Variants in DDR2 observed in about 807,000 individuals in gnomAD.
The protein encoded by DDR2 is discoidin domain receptor tyrosine kinase 2, also known as discoidin domain-containing receptor 2.
Under a neutral mutation model 94.9 loss-of-function variants are expected in DDR2, and 27 were observed. The ratio of observed to expected loss-of-function variants is 0.28; its 90% CI spans 0.21 to 0.39. DDR2 has a LOEUF of 0.39. Among genes scored for constraint, DDR2 ranks in the 10% least tolerant of loss-of-function variants. DDR2 has a pLI of 1.00. For synonymous variants in DDR2, 382 were observed against 377.2 expected, an observed-to-expected ratio of 1.01 and a Z score of -0.15; for missense variants, 783 against 1,076.0, an observed-to-expected ratio of 0.73 and a Z score of 3.81.
intron 17 of DDR2, 138 bp downstream of exon 17, chr1:162,778,867 A>G (rs1404197673): frequency 1.1e-5 from 13 of 1,195,766 alleles, no homozygotes; most frequent in Non-Finnish European, 1.6e-5. Context: ...AACTATCCAG[A>G]TGATGTGAAA....
intron 1 of DDR2, among the ~76,000 whole-genome samples, chr1:162,641,429 A>C (rs1333258511): frequency 6.6e-6 from 1 of 152,148 alleles, no homozygotes; most frequent in Non-Finnish European, 1.5e-5. Context: ...CTTAAGTTTC[A>C]GATCCTCCAT....
intron 14 of DDR2, 134 bp downstream of exon 14, chr1:162,773,730 C>T: frequency 8.2e-7 from 1 of 1,225,668 alleles, no homozygotes; most frequent in Admixed American, 2.0e-5. Flanking sequence ...CCACTGTTAT[C>T]CTTTTTCTTA....
At chr1:162,665,130 C>T (rs937866302) in intron 2 of DDR2, among the ~76,000 whole-genome samples, 1 of 152,196 alleles carries the variant, frequency 6.6e-6, no homozygotes, top group Non-Finnish European at 1.5e-5. Context: ...AAAACCTTTT[C>T]AGACTTCCTA....
intron 9 of DDR2, 107 bp from the exon 10 acceptor site, chr1:162,765,894 A>G: frequency 1.0e-6 from 1 of 955,298 alleles, no homozygotes; most frequent in Non-Finnish European, 1.7e-6. Flanking sequence ...GACTGATGAC[A>G]ACTCACTAAA....
chr1:162,678,295 T>C (rs1659233991), intron 2 of DDR2, among the ~76,000 whole-genome samples: 2 of 152,224 alleles, frequency 1.3e-5, no homozygotes, highest in Non-Finnish European at 1.5e-5. Flanking sequence ...TTAGTGATAA[T>C]AATAATTCCT....
At position 162,759,839 on chromosome 1, in the gene DDR2, C is replaced by T. The variant is rs755362736; in HGVS notation, c.715C>T (p.Leu239=). The change falls in exon 8 of 18, where the codon CTG becomes TTG. Residue 239 remains leucine, a synonymous_variant. Transcript: ENST00000367921. ...CCAATTGACCGATGGTGTGTCTGGCCTGGACGATTTCACCCAGACCCATGA... is the reference window on the plus strand; with the variant it reads ...CCAATTGACCGATGGTGTGTCTGGCTTGGACGATTTCACCCAGACCCATGA... ...LGQLTDGVSG[L]DDFTQTHEYH... 6.2e-7 allele frequency: 1 copy of T among 1,614,110 alleles called. No homozygotes were observed. The highest frequency in any genetic ancestry group is 1.1e-5 in the South Asian group (1 of 91,082).
At chr1:162,776,474 A>G (rs1235109605) in intron 16 of DDR2, 104 bp downstream of exon 16, 5 of 974,696 alleles carry the variant, frequency 5.1e-6, no homozygotes, top group Middle Eastern at 4.6e-4. Context: ...AACTCAATAG[A>G]CTGTAGTATT....
At chr1:162,643,448 G>T (rs191722020) in intron 1 of DDR2, among the ~76,000 whole-genome samples, 23 of 152,208 alleles carry the variant, frequency 1.5e-4, no homozygotes, top group African/African-American at 5.3e-4. Context: ...AGTAATATAG[G>T]AAAGAAGAGC....
intron 2 of DDR2, among the ~76,000 whole-genome samples, chr1:162,687,840 C>T (rs1042964447): frequency 6.6e-6 from 1 of 152,162 alleles, no homozygotes; most frequent in Admixed American, 6.6e-5. Flanking sequence ...ATTTAGGGCA[C>T]ATATGCCAAG....
chr1:162,658,534 G>T (rs1360969767), intron 2 of DDR2, among the ~76,000 whole-genome samples: 3 of 151,858 alleles, frequency 2.0e-5, no homozygotes, highest in Non-Finnish European at 4.4e-5. Flanking sequence ...AGAAACTGAG[G>T]AGAGAAGCTC....
At chr1:162,728,631 G>C (rs2102053937) in intron 3 of DDR2, among the ~76,000 whole-genome samples, 1 of 152,204 alleles carries the variant, frequency 6.6e-6, no homozygotes, top group Admixed American at 6.5e-5. Flanking sequence ...GGTTCCTTTT[G>C]CTATCACATT....
chr1:162,633,938 A>G (rs1656686846), intron 1 of DDR2, among the ~76,000 whole-genome samples: 1 of 152,250 alleles, frequency 6.6e-6, no homozygotes, highest in Non-Finnish European at 1.5e-5. Context: ...AAGGACATTA[A>G]CGCTTAGAGA....
chr1:162,730,916 G>T (rs1445114306), intron 3 of DDR2, among the ~76,000 whole-genome samples: 2 of 152,132 alleles, frequency 1.3e-5, no homozygotes, highest in Admixed American at 6.5e-5. Context: ...GTCCCGTAGA[G>T]ACCGTCTGCT....
intron 2 of DDR2, among the ~76,000 whole-genome samples, chr1:162,669,916 G>A (rs555966302): frequency 1.3e-5 from 2 of 152,316 alleles, no homozygotes; most frequent in South Asian, 4.1e-4. Flanking sequence ...AGCAAGGGCT[G>A]CTAGCACAAA....
chr1:162,684,566 C>A (rs1659574916), intron 2 of DDR2, among the ~76,000 whole-genome samples: 1 of 152,118 alleles, frequency 6.6e-6, no homozygotes, highest in Non-Finnish European at 1.5e-5. Flanking sequence ...CTGCTCAAAG[C>A]TCAGAGTTTG....
intron 2 of DDR2, among the ~76,000 whole-genome samples, chr1:162,692,359 A>C (rs75871622): frequency 0.023 from 3,556 of 152,336 alleles, 98 homozygotes; most frequent in East Asian, 0.14. Flanking sequence ...ATCAAAAGTC[A>C]CTGTTAAGAA....
intron 1 of DDR2, among the ~76,000 whole-genome samples, chr1:162,648,756 G>A (rs1237998502): frequency 6.6e-6 from 1 of 152,186 alleles, no homozygotes; most frequent in Non-Finnish European, 1.5e-5. Context: ...AAGATGGCAT[G>A]ACCACGAATG....
chr1:162,765,887 T>G, intron 9 of DDR2, 114 bp from the exon 10 acceptor site: 1 of 901,876 alleles, frequency 1.1e-6, no homozygotes, highest in East Asian at 2.4e-5. Context: ...TTTAAAAGAC[T>G]GATGACAACT....
chr1:162,633,144 T>G (rs1656641505), intron 1 of DDR2, among the ~76,000 whole-genome samples: 1 of 152,126 alleles, frequency 6.6e-6, no homozygotes, highest in African/African-American at 2.4e-5. Context: ...GGCTTCCCCC[T>G]GAGATTTGGG....
Sources: allele counts gnomAD v4.1 joint callset (sites outside exome capture counted in the v4.1 genomes callset), GRCh38; gene constraint gnomAD v4.1.1; transcripts MANE v1.5; gene names NCBI Gene and HGNC (gene_info 2026-07-23, HGNC 2026-07-21).